The following MMP21 variants were observed in gnomAD, a reference collection of about 807,000 sequenced individuals.
The protein encoded by MMP21 is matrix metalloproteinase-21.
MMP21 carries 40 observed loss-of-function variants against 47.8 expected under a neutral mutation model. The observed-to-expected ratio is 0.84, with a 90% CI of 0.65 to 1.09. The LOEUF (loss-of-function observed/expected upper bound fraction) is 1.09. Ranked by LOEUF, MMP21 falls within the 50% of genes least tolerant of loss-of-function variation. The pLI, the probability that MMP21 is intolerant of heterozygous loss-of-function variation, is 0.00. For missense variants in MMP21, 747 were observed against 775.3 expected (o/e 0.96, Z 0.43); for synonymous variants, 341 against 318.0 (o/e 1.07, Z -0.77).
chr10:125,772,661 C>G lies in MMP21; in HGVS notation c.787G>C (p.Asp263His). The G allele has an allele frequency of 6.2e-7, 1 of 1,614,182 alleles. No homozygotes were observed. The highest frequency in any genetic ancestry group is 2.2e-5 in the East Asian group (1 of 44,880). The part of the protein sequence containing the change: ...WRLGDIHFDD[D>H]EHFTPPTSDT... ...CTGGTGGGAGGTGTGAAGTGCTCGTCGTCGTCAAAGTGAATGTCACCTAGG... is the reference window on the plus strand; with the variant it reads ...CTGGTGGGAGGTGTGAAGTGCTCGTGGTCGTCAAAGTGAATGTCACCTAGG... Residue 263 changes from aspartate (D) to histidine (H), a missense_variant, in exon 3 of 7, where the codon GAC becomes CAC. Physicochemically the swap from Asp to His is moderately conservative, Grantham distance 81. Transcript: ENST00000368808. This position sits in a 1 kb window ranked among gnomAD's most constrained non-coding sequence, Gnocchi z 5.6.
chr10:125,770,530 A>G lies in MMP21; in HGVS notation c.1041T>C (p.Tyr347=), dbSNP rs1589892611. The part of the protein sequence containing the change: ...FDWIRKERNQ[Y]GEVMVRFSTY... Reference sequence around the variant, plus strand: ...TGCTAAATCTCACCATCACCTCTCCATATTGGTTTCTCTCTTTGCGAATCC... The same window carrying G: ...TGCTAAATCTCACCATCACCTCTCCGTATTGGTTTCTCTCTTTGCGAATCC... The change falls in exon 5 of 7, where the codon TAT becomes TAC. Residue 347 remains tyrosine, a synonymous_variant. Transcript: ENST00000368808. 1.2e-6 allele frequency: 2 copies of G among 1,614,144 alleles called. No homozygotes were observed. The highest frequency in any genetic ancestry group is 2.2e-5 in the East Asian group (1 of 44,878).
In MMP21 at chr10:125,772,842, G is replaced by A. The variant is rs573069716; in HGVS notation, c.698-92C>T. ...AGGGGGTCCCCAGCCTCCAGGAGCC[G>A]GCAGCAGAGGTAGACAGAGTGGCAG... On this transcript the variant is annotated intron_variant, in intron 2 of 6. Transcript: ENST00000368808. This position sits in a 1 kb window ranked among gnomAD's most constrained non-coding sequence, Gnocchi z 5.6. 95 of 1,437,296 alleles carry A rather than the reference G, an allele frequency of 6.6e-5. No homozygotes were observed. The East Asian group carries it at 1.8e-3, about 26-fold the overall frequency. The allele number at this position is 1,437,296 out of a possible 1,614,324, so 89.0% of individuals were successfully genotyped here.
Position 125,773,932 on chromosome 10 carries a change from G to C in MMP21, c.596C>G (p.Ala199Gly). The C allele has an allele frequency of 6.3e-7, 1 of 1,584,304 alleles. No individual in the cohort carries two copies. Among genetic ancestry groups the C allele is most frequent in the Non-Finnish European group, 8.5e-7 (1 of 1,172,630 alleles). Residue 199 changes from alanine (A) to glycine (G), a missense_variant, in exon 2 of 7, where the codon GCG becomes GGG. Ala to Gly is a moderately conservative substitution (Grantham distance 60, BLOSUM62 0). Transcript: ENST00000368808. This position sits in a 1 kb window ranked among gnomAD's most constrained non-coding sequence, Gnocchi z 4.8. ...CTCGCTCCACATCCTGAAGGCCAGC[G>C]CCACAATGCGCCGCTGGTCGGCCAC... The part of the protein sequence containing the change: ...LSVADQRRIV[A>G]LAFRMWSEVT...
In MMP21 at chr10:125,770,685, T is replaced by G; in HGVS notation, c.980-94A>C. 2.8e-6 allele frequency: 4 copies of G among 1,405,438 alleles called. No homozygotes were observed. In the South Asian group the frequency reaches 5.5e-5, roughly 19 times the overall value. 87.1% of individuals were successfully genotyped at this position (1,405,438 alleles called of 1,614,324 possible). On this transcript the variant is annotated intron_variant, in intron 4 of 6. Transcript: ENST00000368808. ...ACTTGAATGAAGACAGTTGCAAAGC[T>G]GGGGCTTTCTATAAAAACACCTTAA...
chr10:125,767,464 T>G, intron 6 of MMP21, 68 bp downstream of exon 6: 1 of 1,450,538 alleles, frequency 6.9e-7, no homozygotes, highest in Non-Finnish European at 9.5e-7. Flanking sequence ...AAATATGAAC[T>G]TGGTCATCTG....
intron 6 of MMP21, 102 bp from the exon 7 acceptor site, chr10:125,767,063 C>CTT: frequency 2.1e-6 from 2 of 934,608 alleles, no homozygotes; most frequent in Non-Finnish European, 3.1e-6. Context: ...GTACCAAATT[C>CTT]TTTAGACTTG....
In MMP21 at chr10:125,775,733, C is replaced by T. The variant is rs748798617; in HGVS notation, c.89G>A (p.Ser30Asn). The T allele has an allele frequency of 1.2e-6, 2 of 1,613,568 alleles. No homozygotes were observed. Among genetic ancestry groups the T allele is most frequent in the African/African-American group, 2.7e-5 (2 of 74,926 alleles). Reference protein sequence around the residue: ...WPTQPESLFHSRDRSDLEPSP... With the variant: ...WPTQPESLFHNRDRSDLEPSP... Reference sequence around the variant, plus strand: ...CGGCTCCAGGTCCGAGCGGTCCCGGCTGTGGAAGAGACTCTCGGGCTGGGT... The same window carrying T: ...CGGCTCCAGGTCCGAGCGGTCCCGGTTGTGGAAGAGACTCTCGGGCTGGGT... Residue 30 changes from serine (S) to asparagine (N), a missense_variant, in exon 1 of 7, where the codon AGC becomes AAC. Transcript: ENST00000368808.
At chr10:125,767,487 T>C (rs1374580310) in intron 6 of MMP21, 45 bp downstream of exon 6, 1 of 1,563,330 alleles carries the variant, frequency 6.4e-7, no homozygotes, top group Non-Finnish European at 8.8e-7. Flanking sequence ...GAATCTCTAT[T>C]AGGGATGACA....
At position 125,767,103 on chromosome 10, in the gene MMP21, A is replaced by C; in HGVS notation, c.1411-142T>G. ...TCTTAATTTTCCATCATGCTCTGCC[A>C]TTGCTATTTAGATCTGAAGTGAGTA... On this transcript the variant is annotated intron_variant, in intron 6 of 6. Coordinates refer to ENST00000368808, the MANE Select transcript of MMP21 (RefSeq NM_147191.1). The C allele has an allele frequency of 7.0e-6, 5 of 715,728 alleles. No individual in the cohort carries two copies. The South Asian group carries it at 1.1e-4, about 15-fold the overall frequency. 44.3% of individuals were successfully genotyped at this position (715,728 alleles called of 1,614,324 possible). A position where few individuals can be genotyped will look rare whatever the true frequency, so the allele number is the denominator to read the frequency against.
intron 5 of MMP21, among the ~76,000 whole-genome samples, chr10:125,768,478 A>G (rs1459622690): frequency 6.6e-6 from 1 of 152,216 alleles, no homozygotes; most frequent in Non-Finnish European, 1.5e-5. Flanking sequence ...AATCCTGGAT[A>G]TTTGGCATCT....
chr10:125,773,512 C>A lies in MMP21; in HGVS notation c.697+319G>T, dbSNP rs1033744583. On this transcript the variant is annotated intron_variant, in intron 2 of 6. Transcript: ENST00000368808. This position sits in a 1 kb window ranked among gnomAD's most constrained non-coding sequence, Gnocchi z 4.8. Reference sequence around the variant, plus strand: ...TGCCTGACCCTGCCCTGTCCTGAGACCCCAGCTGCTGCTCCCTAGGGAAGC... The same window carrying A: ...TGCCTGACCCTGCCCTGTCCTGAGAACCCAGCTGCTGCTCCCTAGGGAAGC... Among the ~76,000 whole-genome samples, 1 of 152,132 alleles carries A rather than the reference C, an allele frequency of 6.6e-6. No homozygotes were observed. Among genetic ancestry groups the A allele is most frequent in the African/African-American group, 2.4e-5 (1 of 41,428 alleles).
chr10:125,773,662 C>T lies in MMP21; in HGVS notation c.697+169G>A, dbSNP rs559897273. ...GCTATCTGCAGGGTGACCATGATTC[C>T]GACAAGACGACGCTGACCGGTGGCT... On this transcript the variant is annotated intron_variant, in intron 2 of 6. Transcript: ENST00000368808. The surrounding 1 kb of genome is among the most constrained non-coding windows in gnomAD (Gnocchi z 4.8). Among the ~76,000 whole-genome samples, 3 of 152,010 alleles carry T rather than the reference C, an allele frequency of 2.0e-5. No homozygotes were observed. Among genetic ancestry groups the T allele is most frequent in the Non-Finnish European group, 2.9e-5 (2 of 67,990 alleles).
Position 125,773,816 on chromosome 10 carries a change from C to T in MMP21, c.697+15G>A. On this transcript the variant is annotated intron_variant, in intron 2 of 6. Transcript: ENST00000368808. The surrounding 1 kb of genome is among the most constrained non-coding windows in gnomAD (Gnocchi z 4.8). ...GGGCTGGGTCGGGCAGGCAGGGAGC[C>T]CGGGGTGCTCTTACCTCTCCCAAAG... 6.7e-7 allele frequency: 1 copy of T among 1,497,176 alleles called. No homozygotes were observed. Among genetic ancestry groups the T allele is most frequent in the Non-Finnish European group, 8.9e-7 (1 of 1,128,942 alleles). The allele number at this position is 1,497,176 out of a possible 1,614,324, so 92.7% of individuals were successfully genotyped here. A position where few individuals can be genotyped will look rare whatever the true frequency, so the allele number is the denominator to read the frequency against.
Position 125,770,459 on chromosome 10 carries a change from T to A in MMP21, c.1112A>T (p.Asn371Ile), listed in dbSNP as rs1193262254. ...AGGGTCCCCATAGCGTGTCCTATTG[T>A]TTCGATTTTCATAAAGCCAGTACCA... ...NSWYWLYENR[N>I]NRTRYGDPIQ... Residue 371 changes from asparagine to isoleucine, a missense_variant, in exon 5 of 7, where the codon AAC becomes ATC. By Grantham distance (149) the Asn-to-Ile change is moderately radical. Coordinates refer to ENST00000368808, the MANE Select transcript of MMP21 (RefSeq NM_147191.1). The A allele has an allele frequency of 6.2e-7, 1 of 1,614,208 alleles. No individual in the cohort carries two copies. Among genetic ancestry groups the A allele is most frequent in the South Asian group, 1.1e-5 (1 of 91,074 alleles).
At position 125,767,716 on chromosome 10, in the gene MMP21, A is replaced by G. The variant is rs374130859; in HGVS notation, c.1238-12T>C. 1.9e-5 allele frequency: 30 copies of G among 1,613,210 alleles called. No individual in the cohort carries two copies. The African/African-American group carries it at 3.9e-4, about 21-fold the overall frequency. ...CCAGTATTGATTTCCTGAGAGCCAAACAAAATACGTTCATGTGGTTTATTA... is the reference window on the plus strand; with the variant it reads ...CCAGTATTGATTTCCTGAGAGCCAAGCAAAATACGTTCATGTGGTTTATTA... On this transcript the variant is annotated splice_polypyrimidine_tract_variant and intron_variant, in intron 5 of 6. Coordinates refer to ENST00000368808, the MANE Select transcript of MMP21 (RefSeq NM_147191.1).
At chr10:125,774,679 C>T (rs929719840) in intron 1 of MMP21, among the ~76,000 whole-genome samples, 2 of 152,264 alleles carry the variant, frequency 1.3e-5, no homozygotes, top group Admixed American at 1.3e-4. Context: ...CGCCCTAGGG[C>T]CGGAGGAGCA....
chr10:125,767,408 C>T (rs529792192), intron 6 of MMP21, 124 bp downstream of exon 6: 8 of 944,182 alleles, frequency 8.5e-6, no homozygotes, highest in South Asian at 3.5e-5. Context: ...TCCCAAAGTG[C>T]GGGATTACAG....
chr10:125,769,975 C>G (rs1850427811), intron 5 of MMP21, among the ~76,000 whole-genome samples: 1 of 151,996 alleles, frequency 6.6e-6, no homozygotes, highest in Non-Finnish European at 1.5e-5. Context: ...TAGTGAGACC[C>G]CATCTCTAAA....
chr10:125,775,077 G>C (rs1296811222), intron 1 of MMP21, among the ~76,000 whole-genome samples: 2 of 152,160 alleles, frequency 1.3e-5, no homozygotes, highest in Non-Finnish European at 2.9e-5. Context: ...ATCAGCTCCT[G>C]GCCTATGGTG....
Sources: gnomAD v4.1 joint callset for allele counts (sites outside exome capture counted in the v4.1 genomes callset) on GRCh38, gnomAD v4.1.1 for gene constraint, Gnocchi (gnomAD v3.1) non-coding constraint, MANE v1.5 for transcripts, NCBI Gene and HGNC (gene_info 2026-07-23, HGNC 2026-07-21) for gene names.